The following HSPA4L variants were observed in gnomAD, a reference collection of about 807,000 sequenced individuals.
The protein encoded by HSPA4L is heat shock 70 kDa protein 4L.
A neutral mutation model predicts 100.3 loss-of-function variants in HSPA4L; 48 were observed. The ratio of observed to expected loss-of-function variants is 0.48; its 90% CI spans 0.38 to 0.61. The LOEUF is 0.61. HSPA4L is among the 20% of genes least tolerant of loss of function. The probability of loss-of-function intolerance (pLI) is 0.00; values close to 1 mark genes in which losing one functional copy is unlikely to be tolerated. For synonymous variants in HSPA4L, 319 were observed against 328.2 expected (o/e 0.97, Z 0.30); for missense variants, 886 against 988.6 (o/e 0.90, Z 1.39).
chr4:127,816,486 C>T (rs1412057523), intron 12 of HSPA4L, among the ~76,000 whole-genome samples: 5 of 152,060 alleles, frequency 3.3e-5, no homozygotes, highest in Non-Finnish European at 7.3e-5. Flanking sequence ...TCTGTGAACT[C>T]GGTTGTAATT....
intron 14 of HSPA4L, among the ~76,000 whole-genome samples, chr4:127,821,674 T>A (rs374152253): frequency 1.2e-4 from 19 of 152,252 alleles, no homozygotes; most frequent in Middle Eastern, 3.4e-3. Flanking sequence ...GTGATTGTTC[T>A]CCAAAGCTCA....
chr4:127,791,858 AGCAC>A, intron 1 of HSPA4L, among the ~76,000 whole-genome samples: 1 of 152,340 alleles, frequency 6.6e-6, no homozygotes, highest in East Asian at 1.9e-4. Context: ...CTTCTGTTAT[AGCAC>A]CTAGTTTACT....
intron 4 of HSPA4L, 27 bp downstream of exon 4, chr4:127,798,736 C>G (rs1733093265): frequency 1.2e-6 from 2 of 1,604,952 alleles, no homozygotes; most frequent in Non-Finnish European, 1.7e-6. Flanking sequence ...TAATGAATAC[C>G]CTTGAATTAT....
At chr4:127,820,879 G>A (rs989049195) in intron 14 of HSPA4L, among the ~76,000 whole-genome samples, 1 of 151,990 alleles carries the variant, frequency 6.6e-6, no homozygotes, top group African/African-American at 2.4e-5. Context: ...AATATTAGCT[G>A]CTCCCCTCTT....
At chr4:127,796,320 A>G (rs1207691408) in intron 3 of HSPA4L, among the ~76,000 whole-genome samples, 1 of 152,150 alleles carries the variant, frequency 6.6e-6, no homozygotes, top group Non-Finnish European at 1.5e-5. Flanking sequence ...TCTTCCAAGT[A>G]AGAGATGGAT....
chr4:127,791,792 C>T (rs1173611588), intron 1 of HSPA4L, among the ~76,000 whole-genome samples: 1 of 152,174 alleles, frequency 6.6e-6, no homozygotes, highest in Non-Finnish European at 1.5e-5. Context: ...CCTTTCCTGA[C>T]TCTCCTCCTC....
At chr4:127,810,556 A>G (rs984769037) in intron 11 of HSPA4L, among the ~76,000 whole-genome samples, 1 of 152,046 alleles carries the variant, frequency 6.6e-6, no homozygotes, top group Non-Finnish European at 1.5e-5. Context: ...CCAGGAGTTC[A>G]AGACCAGCCT....
At chr4:127,810,044 ATCTTCTATAAACATAT>A (rs776416937) in intron 11 of HSPA4L, among the ~76,000 whole-genome samples, 84 of 152,294 alleles carry the variant, frequency 5.5e-4, no homozygotes, top group Non-Finnish European at 1.1e-3. Context: ...AGTCTTAACC[ATCTTCTATAAACATAT>A]TCTTCTATAA....
chr4:127,805,153 A>G lies in HSPA4L; in HGVS notation c.1066A>G (p.Lys356Glu), dbSNP rs778764097. 27 of 1,610,892 alleles carry G rather than the reference A, an allele frequency of 1.7e-5. No individual in the cohort carries two copies. Among genetic ancestry groups the G allele is most frequent in the Non-Finnish European group, 2.2e-5 (26 of 1,177,498 alleles). ...RIPAVKEQITKFFLKDISTTL... is the reference protein window; with the variant it reads ...RIPAVKEQITEFFLKDISTTL... ...TCCTGCAGTGAAAGAACAAATCACT[A>G]AATTCTTTCTTAAAGACATAAGTAC... Residue 356 changes from lysine to glutamate, a missense_variant, in exon 9 of 19, where the codon AAA becomes GAA. Coordinates refer to ENST00000296464, the MANE Select transcript of HSPA4L (RefSeq NM_014278.4).
At chr4:127,784,238 G>A (rs1437582265) in intron 1 of HSPA4L, among the ~76,000 whole-genome samples, 1 of 152,228 alleles carries the variant, frequency 6.6e-6, no homozygotes, top group Non-Finnish European at 1.5e-5. Flanking sequence ...CTGAGAGGTA[G>A]GGTGGACATT....
intron 3 of HSPA4L, among the ~76,000 whole-genome samples, chr4:127,797,940 T>C (rs74734695): frequency 0.033 from 5,073 of 152,268 alleles, 125 homozygotes; most frequent in Middle Eastern, 0.068. Context: ...ATTAAGACTA[T>C]GATTCATTTT....
chr4:127,782,614 G>T lies in HSPA4L; in HGVS notation c.64G>T (p.Gly22Cys). 6.2e-7 allele frequency: 1 copy of T among 1,613,874 alleles called. No individual in the cohort carries two copies. The highest frequency in any genetic ancestry group is 1.7e-5 in the Admixed American group (1 of 59,984). ...CTACATTGCTGTCGCGAGAAGTGGC[G>T]GCATCGAGACCATCGCCAATGAGTA... ...NCYIAVARSG[G>C]IETIANEYSD... is the part of the protein sequence containing the mutation. The change falls in exon 1 of 19, where the codon GGC (glycine) becomes TGC (cysteine). Residue 22 changes from glycine (G) to cysteine (C), a missense_variant. Coordinates refer to ENST00000296464, the MANE Select transcript of HSPA4L (RefSeq NM_014278.4).
chr4:127,818,539 G>A, intron 13 of HSPA4L, 119 bp downstream of exon 13: 1 of 531,146 alleles, frequency 1.9e-6, no homozygotes, highest in Non-Finnish European at 3.3e-6. Flanking sequence ...AGAGAATATA[G>A]AAAGCTGATA....
intron 12 of HSPA4L, among the ~76,000 whole-genome samples, chr4:127,816,184 TG>T (rs1321932813): frequency 6.6e-6 from 1 of 152,194 alleles, no homozygotes; most frequent in Non-Finnish European, 1.5e-5. Context: ...ACCTAAAATG[TG>T]TGCTTGGTCA....
intron 1 of HSPA4L, among the ~76,000 whole-genome samples, chr4:127,784,535 A>G (rs1462079815): frequency 6.6e-6 from 1 of 152,232 alleles, no homozygotes; most frequent in African/African-American, 2.4e-5. Context: ...AGATTTAATG[A>G]GCCTAATCTA....
chr4:127,811,086 A>T (rs1006292823), intron 11 of HSPA4L, among the ~76,000 whole-genome samples: 9 of 152,328 alleles, frequency 5.9e-5, no homozygotes, highest in Non-Finnish European at 1.2e-4. Flanking sequence ...TCAAATTCAG[A>T]AAGTGAATCT....
At chr4:127,817,964 A>G (rs1733714870) in intron 12 of HSPA4L, among the ~76,000 whole-genome samples, 1 of 152,176 alleles carries the variant, frequency 6.6e-6, no homozygotes, top group Non-Finnish European at 1.5e-5. Context: ...CGTCATCTAC[A>G]TTAGGTATTT....
chr4:127,831,520 A>G (rs1265060327), intron 18 of HSPA4L, among the ~76,000 whole-genome samples: 1 of 151,484 alleles, frequency 6.6e-6, no homozygotes, highest in Admixed American at 6.6e-5. Flanking sequence ...AAAAAAAAAA[A>G]AAAGGAAGCA....
intron 1 of HSPA4L, among the ~76,000 whole-genome samples, chr4:127,792,882 G>A (rs775119384): frequency 1.3e-5 from 2 of 152,206 alleles, no homozygotes; most frequent in Non-Finnish European, 2.9e-5. Flanking sequence ...CCACATGGAT[G>A]TATTTTCTGA....
Sources: gnomAD v4.1 joint callset for allele counts (sites outside exome capture counted in the v4.1 genomes callset) on GRCh38, gnomAD v4.1.1 for gene constraint, MANE v1.5 for transcripts, NCBI Gene and HGNC (gene_info 2026-07-23, HGNC 2026-07-21) for gene names.